Variants in SGK1 observed in about 807,000 individuals in gnomAD.
SGK1 encodes serum/glucocorticoid regulated kinase 1, also known as serine/threonine-protein kinase Sgk1.
A neutral mutation model predicts 64.2 loss-of-function variants in SGK1; 26 were observed. That is an observed-to-expected ratio of 0.40 (90% CI 0.30 to 0.56). The LOEUF is 0.56. Ranked by LOEUF, SGK1 falls within the 20% of genes least tolerant of loss-of-function variation. The probability of loss-of-function intolerance (pLI) is 0.38; values close to 1 mark genes in which losing one functional copy is unlikely to be tolerated. For synonymous variants in SGK1, 265 were observed against 239.7 expected (o/e 1.11, Z -0.98); for missense variants, 519 against 645.6 (o/e 0.80, Z 2.12).
chr6:134,274,220 A>G (rs1400659741), intron 1 of SGK1, among the ~76,000 whole-genome samples: 1 of 151,986 alleles, frequency 6.6e-6, no homozygotes, highest in African/African-American at 2.4e-5. Flanking sequence ...ATCCAGGCTG[A>G]TCTTGAACTC....
chr6:134,262,156 G>A lies in SGK1; in HGVS notation c.70-8C>T, dbSNP rs1776777025. On this transcript the variant is annotated splice_polypyrimidine_tract_variant and splice_region_variant and intron_variant, in intron 1 of 13. Coordinates refer to ENST00000367858, the MANE Select transcript of SGK1 (RefSeq NM_001143676.3). ...CTTGATCCACCTTCGTACCTGCAAT[G>A]TGCAAAAGGAAAGAAAAAACAAATG... is the stretch of plus-strand genomic sequence containing the variant. 1 of 1,541,486 alleles carries A rather than the reference G, an allele frequency of 6.5e-7. No homozygotes were observed. Among genetic ancestry groups the A allele is most frequent in the African/African-American group, 1.4e-5 (1 of 72,346 alleles).
At chr6:134,232,727 G>T (rs180756562) in intron 2 of SGK1, among the ~76,000 whole-genome samples, 5 of 151,498 alleles carry the variant, frequency 3.3e-5, no homozygotes, top group Middle Eastern at 3.2e-3. Context: ...TGTGGGGGCC[G>T]GTAATCCCAG....
chr6:134,173,060 T>C lies in SGK1; in HGVS notation c.797A>G (p.Lys266Arg). Residue 266 changes from lysine to arginine, a missense_variant, in exon 8 of 14, where the codon AAA becomes AGA. Around this residue, in one of 2 missense-constraint regions of SGK1, gnomAD observed 278 missense variants for 408.7 expected, o/e 0.68. Transcript: ENST00000367858. ...GLHFSFQTAD[K>R]LYFVLDYING... Reference sequence around the variant, plus strand: ...AATGTAGTCTAGGACAAAGTACAATTTGTCAGCAGTCTGGAAAGAGAAGTG... The same window carrying C: ...AATGTAGTCTAGGACAAAGTACAATCTGTCAGCAGTCTGGAAAGAGAAGTG... 2 of 1,614,140 alleles carry C rather than the reference T, an allele frequency of 1.2e-6. No individual in the cohort carries two copies. The highest frequency in any genetic ancestry group is 2.2e-5 in the South Asian group (2 of 91,078).
intron 3 of SGK1, among the ~76,000 whole-genome samples, chr6:134,204,103 C>T (rs928404209): frequency 1.3e-5 from 2 of 149,190 alleles, no homozygotes; most frequent in African/African-American, 2.5e-5. Flanking sequence ...TGCCTAATAA[C>T]AGAGGTTCAA....
intron 2 of SGK1, among the ~76,000 whole-genome samples, chr6:134,212,499 C>T (rs1182729743): frequency 6.6e-6 from 1 of 152,258 alleles, no homozygotes; most frequent in Non-Finnish European, 1.5e-5. Context: ...CCTTTCACTG[C>T]TCTCGAGGAG....
At chr6:134,251,343 C>T (rs1200911898) in intron 2 of SGK1, among the ~76,000 whole-genome samples, 1 of 152,034 alleles carries the variant, frequency 6.6e-6, no homozygotes, top group Non-Finnish European at 1.5e-5. Flanking sequence ...TTAAAAGTCT[C>T]AAAACTACTA....
chr6:134,171,789 G>C, intron 10 of SGK1, 57 bp from the exon 11 acceptor site: 2 of 1,125,336 alleles, frequency 1.8e-6, no homozygotes, highest in Non-Finnish European at 2.7e-6. Context: ...GCAATCCCAC[G>C]ACCACACATT....
chr6:134,252,661 G>A (rs1337613547), intron 2 of SGK1, among the ~76,000 whole-genome samples: 1 of 145,114 alleles, frequency 6.9e-6, no homozygotes, highest in African/African-American at 2.5e-5. Context: ...GGATTGTAAG[G>A]TAATTTAAAT....
At chr6:134,312,652 G>T (rs1431287611) in intron 1 of SGK1, among the ~76,000 whole-genome samples, 1 of 152,168 alleles carries the variant, frequency 6.6e-6, no homozygotes, top group Admixed American at 6.6e-5. Flanking sequence ...TCCAAACCCT[G>T]ATCCTGTCAC....
In SGK1 at chr6:134,174,544, T is replaced by C; in HGVS notation, c.404A>G (p.Gln135Arg). The C allele has an allele frequency of 1.2e-6, 2 of 1,613,982 alleles. No individual in the cohort carries two copies. The highest frequency in any genetic ancestry group is 1.7e-6 in the Non-Finnish European group (2 of 1,179,852). The change falls in exon 4 of 14, where the codon CAG (glutamine) becomes CGG (arginine). Residue 135 changes from glutamine to arginine, a missense_variant. Transcript: ENST00000367858. ...TGCATAGGAGTTATTGGCAATCTTC[T>C]GAATAAAGTCGTTCAGACCCATCCT... ...QRRMGLNDFI[Q>R]KIANNSYACK...
At chr6:134,241,107 T>C (rs1201776894) in intron 2 of SGK1, among the ~76,000 whole-genome samples, 1 of 148,154 alleles carries the variant, frequency 6.7e-6, no homozygotes, top group Non-Finnish European at 1.5e-5. Context: ...TGGAGTGCAG[T>C]GGCATGATCT....
chr6:134,184,605 A>G (rs1434271798), intron 3 of SGK1, among the ~76,000 whole-genome samples: 1 of 151,556 alleles, frequency 6.6e-6, no homozygotes, highest in Non-Finnish European at 1.5e-5. Flanking sequence ...AATTATCTGC[A>G]TATTAGTTTT....
At chr6:134,206,376 TATATATA>T (rs1345189235) in intron 3 of SGK1, among the ~76,000 whole-genome samples, 644 of 6,810 alleles carry the variant, frequency 0.095, 33 homozygotes, top group African/African-American at 0.21. Context: ...TATATATATA[TATATATA>T]TTTTTTTTTT....
chr6:134,176,309 T>C (rs1170467104), intron 3 of SGK1, among the ~76,000 whole-genome samples: 1 of 152,230 alleles, frequency 6.6e-6, no homozygotes, highest in Non-Finnish European at 1.5e-5. Flanking sequence ...CCTCGCTCGC[T>C]CTTTATGTGA....
chr6:134,276,825 G>C (rs571747030), intron 1 of SGK1, among the ~76,000 whole-genome samples: 1 of 152,190 alleles, frequency 6.6e-6, no homozygotes, highest in African/African-American at 2.4e-5. Context: ...GCTGAGGTGG[G>C]TGGATAGTTT....
At chr6:134,196,035 A>T (rs1775589402) in intron 3 of SGK1, among the ~76,000 whole-genome samples, 1 of 152,196 alleles carries the variant, frequency 6.6e-6, no homozygotes, top group Non-Finnish European at 1.5e-5. Context: ...ATTGACCACT[A>T]ATTATATGTT....
intron 3 of SGK1, among the ~76,000 whole-genome samples, chr6:134,196,292 CT>C: frequency 6.6e-6 from 1 of 151,892 alleles, no homozygotes; most frequent in East Asian, 1.9e-4. Flanking sequence ...TCTTGAACTC[CT>C]GAGCTCAAGT....
chr6:134,194,183 TC>T (rs925126531), intron 3 of SGK1, among the ~76,000 whole-genome samples: 2 of 152,064 alleles, frequency 1.3e-5, no homozygotes, highest in Non-Finnish European at 2.9e-5. Flanking sequence ...TTTTTTTTTT[TC>T]TCATCAATGT....
intron 2 of SGK1, among the ~76,000 whole-genome samples, chr6:134,213,522 AAAAT>A (rs562060619): frequency 6.8e-6 from 1 of 147,414 alleles, no homozygotes; most frequent in Non-Finnish European, 1.5e-5. Context: ...ACTCTGTCTC[AAAAT>A]AAATAAATAA....
Sources: allele counts gnomAD v4.1 joint callset (sites outside exome capture counted in the v4.1 genomes callset), GRCh38; gene constraint gnomAD v4.1.1; regional missense constraint gnomAD v4.1.1; transcripts MANE v1.5; gene names NCBI Gene and HGNC (gene_info 2026-07-23, HGNC 2026-07-21).